Variants in KIF16B observed in about 807,000 individuals in gnomAD.
The protein encoded by KIF16B is kinesin-like protein KIF16B.
In KIF16B, 98 loss-of-function variants were observed where a neutral mutation model predicts 156.3. That is an observed-to-expected ratio of 0.63 (90% CI 0.53 to 0.74). KIF16B has a LOEUF of 0.74. Ranked by LOEUF, KIF16B falls within the 30% of genes least tolerant of loss-of-function variation. The pLI, the probability that KIF16B is intolerant of heterozygous loss-of-function variation, is 0.00. For synonymous variants in KIF16B, 564 were observed against 583.7 expected (o/e 0.97, Z 0.49); for missense variants, 1,421 against 1,606.5 (o/e 0.88, Z 1.97).
At chr20:16,537,681 C>CTTTTTCTT (rs1385642342) in intron 1 of KIF16B, among the ~76,000 whole-genome samples, 2 of 141,626 alleles carry the variant, frequency 1.4e-5, no homozygotes, top group African/African-American at 5.2e-5. Context: ...CCCACATGTT[C>CTTTTTCTT]TTTTTCTTTT....
In KIF16B at chr20:16,447,865, G is replaced by A. The variant is rs531733400; in HGVS notation, c.1303-17883C>T. ...AGGCACCTGTTGTCACAGCTACTCAGGAGGCTGAGGTGAGAGGATCACTTG... is the reference window on the plus strand; with the variant it reads ...AGGCACCTGTTGTCACAGCTACTCAAGAGGCTGAGGTGAGAGGATCACTTG... On this transcript the variant is annotated intron_variant, in intron 12 of 25. Transcript: ENST00000354981. Among the ~76,000 whole-genome samples the A allele has an allele frequency of 5.9e-5, 9 of 152,262 alleles. No individual in the cohort carries two copies. In the South Asian group the frequency reaches 1.5e-3, roughly 25 times the overall value.
intron 18 of KIF16B, among the ~76,000 whole-genome samples, chr20:16,380,615 T>C (rs776924261): frequency 5.3e-4 from 81 of 152,362 alleles, no homozygotes; most frequent in Non-Finnish European, 9.1e-4. Context: ...AAAGTCATGA[T>C]AATCGACAGT....
At position 16,489,069 on chromosome 20, in the gene KIF16B, G is replaced by A. The variant is rs139067292; in HGVS notation, c.1302+5222C>T. Among the ~76,000 whole-genome samples, 472 of 152,318 alleles carry A rather than the reference G, an allele frequency of 3.1e-3. 5 individuals carry two copies. In the Middle Eastern group the frequency reaches 0.044, roughly 14 times the overall value. Reference sequence around the variant, plus strand: ...GCTGGAAAGCCATTAGGAACAGTAAGGCCACCCACAAACTGGCAACAGCAG... The same window carrying A: ...GCTGGAAAGCCATTAGGAACAGTAAAGCCACCCACAAACTGGCAACAGCAG... On this transcript the variant is annotated intron_variant, in intron 12 of 25. Transcript: ENST00000354981.
chr20:16,548,087 GT>G (rs1413629084), intron 1 of KIF16B, among the ~76,000 whole-genome samples: 3 of 152,180 alleles, frequency 2.0e-5, no homozygotes, highest in Non-Finnish European at 4.4e-5. Flanking sequence ...ATAATGAGAT[GT>G]CACTACCAAA....
At chr20:16,397,527 T>C (rs1033132793) in intron 17 of KIF16B, among the ~76,000 whole-genome samples, 9 of 152,214 alleles carry the variant, frequency 5.9e-5, no homozygotes, top group Admixed American at 5.9e-4. Context: ...ATGGGCTGTT[T>C]AGAAAATTAG....
At chr20:16,350,832 G>A (rs369952392) in intron 23 of KIF16B, among the ~76,000 whole-genome samples, 39 of 149,168 alleles carry the variant, frequency 2.6e-4, no homozygotes, top group African/African-American at 7.5e-4. Context: ...AGGCTAGCAT[G>A]CATCACACTG....
At chr20:16,564,870 C>T (rs760019877) in intron 1 of KIF16B, among the ~76,000 whole-genome samples, 19 of 151,950 alleles carry the variant, frequency 1.3e-4, no homozygotes, top group Non-Finnish European at 5.9e-5. Flanking sequence ...GACTTGAGCC[C>T]GACCACCTGA....
chr20:16,453,574 A>G (rs6105606), intron 12 of KIF16B, among the ~76,000 whole-genome samples: 51,796 of 151,966 alleles, frequency 0.34, 10,025 homozygotes, highest in African/African-American at 0.52. Flanking sequence ...CTGACAAAAG[A>G]TCACTACATG....
At chr20:16,342,065 A>T (rs1256911788) in intron 23 of KIF16B, among the ~76,000 whole-genome samples, 1 of 151,860 alleles carries the variant, frequency 6.6e-6, no homozygotes, top group Non-Finnish European at 1.5e-5. Context: ...CCAAACCATG[A>T]TTTTTCCTTG....
intron 23 of KIF16B, among the ~76,000 whole-genome samples, chr20:16,340,295 A>G (rs2064117746): frequency 6.6e-6 from 1 of 152,192 alleles, no homozygotes; most frequent in Non-Finnish European, 1.5e-5. Flanking sequence ...TATCCTATCT[A>G]AAATTGCATC....
intron 24 of KIF16B, among the ~76,000 whole-genome samples, chr20:16,329,248 C>T (rs564394925): frequency 8.5e-5 from 13 of 152,148 alleles, no homozygotes; most frequent in African/African-American, 2.9e-4. Context: ...GCTTGATGAG[C>T]TATGTTTCTG....
At chr20:16,307,604 T>C (rs1190605951) in intron 25 of KIF16B, among the ~76,000 whole-genome samples, 6 of 152,228 alleles carry the variant, frequency 3.9e-5, no homozygotes, top group Admixed American at 6.5e-5. Flanking sequence ...GTGTGGTCCA[T>C]GTTTCAGACA....
At chr20:16,505,489 G>C (rs1291471684) in intron 9 of KIF16B, among the ~76,000 whole-genome samples, 1 of 152,144 alleles carries the variant, frequency 6.6e-6, no homozygotes, top group Non-Finnish European at 1.5e-5. Context: ...AAAAGTCTTC[G>C]TGCATGTTAT....
intron 11 of KIF16B, 88 bp downstream of exon 11, chr20:16,497,525 C>T (rs531929420): frequency 1.5e-4 from 148 of 984,812 alleles, no homozygotes; most frequent in Non-Finnish European, 1.8e-4. Context: ...AAAAAGAAGG[C>T]ATCTCAAACG....
chr20:16,466,990 T>G (rs1021459313), intron 12 of KIF16B, among the ~76,000 whole-genome samples: 1 of 152,206 alleles, frequency 6.6e-6, no homozygotes, highest in African/African-American at 2.4e-5. Context: ...CACGTTCTCA[T>G]GCTTTTGGGA....
intron 1 of KIF16B, among the ~76,000 whole-genome samples, chr20:16,538,984 T>C (rs955940480): frequency 6.6e-6 from 1 of 152,070 alleles, no homozygotes; most frequent in East Asian, 1.9e-4. Flanking sequence ...CCATGAGTAA[T>C]AGCTTCCTGA....
rs536297232 is a variant in KIF16B, at chr20:16,344,281, C to T, written c.3622-8266G>A. ...CCAGAAGTAGTAAAAGAAGCCAACA[C>T]CCCATTAATCACATCAATATCCCAG... is the stretch of plus-strand genomic sequence containing the variant. On this transcript the variant is annotated intron_variant, in intron 23 of 25. Coordinates refer to ENST00000354981, the MANE Select transcript of KIF16B (RefSeq NM_024704.5). Among the ~76,000 whole-genome samples the T allele has an allele frequency of 1.5e-4, 23 of 152,330 alleles. 1 individual carries two copies. Among genetic ancestry groups the T allele is most frequent in the South Asian group, 6.2e-4 (3 of 4,830 alleles).
At chr20:16,298,995 G>T (rs1376181657) in intron 25 of KIF16B, among the ~76,000 whole-genome samples, 1 of 152,122 alleles carries the variant, frequency 6.6e-6, no homozygotes, top group East Asian at 1.9e-4. Flanking sequence ...TGTTGGTCAT[G>T]ATTGAAACAT....
intron 23 of KIF16B, among the ~76,000 whole-genome samples, chr20:16,342,891 A>G (rs1362819758): frequency 1.3e-5 from 2 of 152,210 alleles, no homozygotes; most frequent in African/African-American, 4.8e-5. Flanking sequence ...CCTTGAATGG[A>G]AAGACTCCAT....
Sources: allele counts gnomAD v4.1 joint callset (sites outside exome capture counted in the v4.1 genomes callset), GRCh38; gene constraint gnomAD v4.1.1; transcripts MANE v1.5; gene names NCBI Gene and HGNC (gene_info 2026-07-23, HGNC 2026-07-21).